Variants in GTF3C2 observed in about 807,000 individuals in gnomAD.
GTF3C2 encodes the protein general transcription factor IIIC subunit 2, also known as general transcription factor 3C polypeptide 2.
A neutral mutation model predicts 117.4 loss-of-function variants in GTF3C2; 17 were observed. The observed-to-expected ratio is 0.14, with a 90% CI of 0.10 to 0.22. The LOEUF (loss-of-function observed/expected upper bound fraction) is 0.22, where lower values mean the gene tolerates loss of function less well. GTF3C2 is among the 10% of genes least tolerant of loss of function. The pLI, the probability that GTF3C2 is intolerant of heterozygous loss-of-function variation, is 1.00. For synonymous variants in GTF3C2, 437 were observed against 427.0 expected, an observed-to-expected ratio of 1.02 and a Z score of -0.29; for missense variants, 888 against 1,143.6, an observed-to-expected ratio of 0.78 and a Z score of 3.22.
At chr2:27,339,905 T>G (rs968667428) in intron 4 of GTF3C2, 2 of 147,830 alleles carry the variant, frequency 1.4e-5, no homozygotes, top group African/African-American at 5.0e-5. Context: ...GAGAATCACT[T>G]GAACCCAGGA....
At chr2:27,355,145 T>C (rs1472354397) in intron 1 of GTF3C2, among the ~76,000 whole-genome samples, 17 of 152,236 alleles carry the variant, frequency 1.1e-4, no homozygotes, top group Non-Finnish European at 1.5e-5. Flanking sequence ...CCCCACTCTA[T>C]TTATTTGCAC....
chr2:27,328,364 G>C, intron 16 of GTF3C2, 104 bp downstream of exon 16: 1 of 1,237,370 alleles, frequency 8.1e-7, no homozygotes. Context: ...GATTTTCTGG[G>C]ATATCAGGGC....
At position 27,338,446 on chromosome 2, in the gene GTF3C2, GCACGCGCACGCGCGCACACA is replaced by G. The variant is rs1340038541; in HGVS notation, c.856-446_856-427del. Among the ~76,000 whole-genome samples the G allele has an allele frequency of 5.5e-5, 8 of 145,550 alleles. No individual in the cohort carries two copies. The South Asian group carries it at 1.0e-3, about 19-fold the overall frequency. On this transcript the variant is annotated intron_variant, in intron 4 of 18. Transcript: ENST00000264720. ...TCTTCTCGCCCCTCTACACAGGCGC[GCACGCGCACGCGCGCACACA>G]CACACACACACACACACTCCTGGTA...
intron 1 of GTF3C2, chr2:27,356,226 G>A: frequency 1.7e-6 from 1 of 581,060 alleles, no homozygotes; most frequent in Non-Finnish European, 2.9e-6. Flanking sequence ...TTACGCCAAT[G>A]GCGTTGCAGC....
exon 16 of GTF3C2, chr2:27,328,483 A>C (rs1236425502): frequency 1.9e-6 from 3 of 1,614,022 alleles, no homozygotes; most frequent in Middle Eastern, 1.6e-4. Flanking sequence ...TTCGCTCTAC[A>C]GGTCGCTTGA....
intron 1 of GTF3C2, among the ~76,000 whole-genome samples, chr2:27,348,573 G>A (rs1029778762): frequency 6.6e-6 from 1 of 152,166 alleles, no homozygotes; most frequent in Admixed American, 6.5e-5. Flanking sequence ...GGAGGCCGAA[G>A]CAAGCAGATT....
chr2:27,341,438 A>G (rs1680726199), intron 4 of GTF3C2: 1 of 154,314 alleles, frequency 6.5e-6, no homozygotes, highest in Non-Finnish European at 1.4e-5. Context: ...TGGTTCCTAT[A>G]GGTCTATGTC....
intron 12 of GTF3C2, among the ~76,000 whole-genome samples, chr2:27,331,069 TTTG>T (rs1212431406): frequency 6.6e-6 from 1 of 152,102 alleles, no homozygotes; most frequent in Non-Finnish European, 1.5e-5. Flanking sequence ...CTTGAAAAAG[TTTG>T]TTGACGATGA....
At chr2:27,346,738 A>G (rs1424347972) in intron 1 of GTF3C2, among the ~76,000 whole-genome samples, 2 of 151,732 alleles carry the variant, frequency 1.3e-5, no homozygotes, top group East Asian at 3.9e-4. Context: ...TCTGTCACCC[A>G]GACTAGAATG....
At chr2:27,350,324 A>G (rs1043784783) in intron 1 of GTF3C2, 6 of 786,078 alleles carry the variant, frequency 7.6e-6, no homozygotes, top group Non-Finnish European at 9.3e-6. Flanking sequence ...CGAATCAGCA[A>G]TTCTGGATGG....
chr2:27,331,549 T>G (rs1680271986), intron 12 of GTF3C2, among the ~76,000 whole-genome samples: 1 of 152,038 alleles, frequency 6.6e-6, no homozygotes, highest in African/African-American at 2.4e-5. Context: ...ATGGTCTCGA[T>G]CTCTTGACCT....
At position 27,351,134 on chromosome 2, in the gene GTF3C2, G is replaced by A. The variant is rs192028007; in HGVS notation, c.-25+5605C>T. Among the ~76,000 whole-genome samples, 305 of 151,932 alleles carry A rather than the reference G, an allele frequency of 2.0e-3. 3 individuals are homozygous for A. The highest frequency in any genetic ancestry group is 6.9e-3 in the African/African-American group (286 of 41,450). On this transcript the variant is annotated intron_variant, in intron 1 of 18. Transcript: ENST00000264720. Reference sequence around the variant, plus strand: ...ATCTAAAAATAAAAAATAGCAGGCCGGGCATGGTGGCTCACGCCTGTAATC... The same window carrying A: ...ATCTAAAAATAAAAAATAGCAGGCCAGGCATGGTGGCTCACGCCTGTAATC...
At chr2:27,354,344 G>C (rs1681248891) in intron 1 of GTF3C2, among the ~76,000 whole-genome samples, 1 of 152,104 alleles carries the variant, frequency 6.6e-6, no homozygotes, top group Admixed American at 6.6e-5. Flanking sequence ...AGTGGAAGCA[G>C]ACTGACCACG....
chr2:27,326,057 G>T, exon 19 of GTF3C2: 1 of 376,414 alleles, frequency 2.7e-6, no homozygotes, highest in South Asian at 2.1e-5. Context: ...AGTAGGGTCA[G>T]ATGACCAGTG....
chr2:27,326,978 A>T, intron 18 of GTF3C2, 85 bp from the exon 19 acceptor site: 1 of 779,666 alleles, frequency 1.3e-6, no homozygotes, highest in Non-Finnish European at 2.1e-6. Context: ...AAAAAAAAAA[A>T]TGAGCCACAA....
At chr2:27,326,500 T>C in exon 19 of GTF3C2, 4 of 615,288 alleles carry the variant, frequency 6.5e-6, no homozygotes, top group Non-Finnish European at 1.2e-5. Context: ...CAGGGGGCTG[T>C]GATCACAGAA....
At chr2:27,331,685 C>T (rs1558613243) in intron 12 of GTF3C2, among the ~76,000 whole-genome samples, 1 of 152,094 alleles carries the variant, frequency 6.6e-6, no homozygotes, top group Non-Finnish European at 1.5e-5. Context: ...CATTTGTAAT[C>T]CCAGCACTTT....
At chr2:27,342,992 G>C (rs1363334835) in exon 3 of GTF3C2, 13 of 1,614,134 alleles carry the variant, frequency 8.1e-6, no homozygotes, top group Non-Finnish European at 1.1e-5. Context: ...GGGGTGGACA[G>C]AGGGTTGGAT....
chr2:27,349,702 G>C (rs890752336), intron 1 of GTF3C2, among the ~76,000 whole-genome samples: 1 of 151,638 alleles, frequency 6.6e-6, no homozygotes, highest in Non-Finnish European at 1.5e-5. Context: ...GCAGTGGCGT[G>C]ATCTCGGCTC....
Sources: gnomAD v4.1 joint callset for allele counts (sites outside exome capture counted in the v4.1 genomes callset) on GRCh38, gnomAD v4.1.1 for gene constraint, MANE v1.5 for transcripts, NCBI Gene and HGNC (gene_info 2026-07-23, HGNC 2026-07-21) for gene names.